Variants in CNTLN observed in about 807,000 individuals in gnomAD.
CNTLN encodes the protein centlein.
A neutral mutation model predicts 180.0 loss-of-function variants in CNTLN; 212 were observed. The ratio of observed to expected loss-of-function variants is 1.18; its 90% CI spans 1.05 to 1.32. The LOEUF (loss-of-function observed/expected upper bound fraction) is 1.32. Among genes scored for constraint, CNTLN ranks in the 40% most tolerant of loss-of-function variants. The pLI, the probability that CNTLN is intolerant of heterozygous loss-of-function variation, is 0.00. For missense variants in CNTLN, 2,095 were observed against 1,610.9 expected, an observed-to-expected ratio of 1.30 and a Z score of -5.14; for synonymous variants, 722 against 563.1, an observed-to-expected ratio of 1.28 and a Z score of -3.99.
chr9:17,521,363 A>G, the CNTLN span, among the ~76,000 whole-genome samples: 1 of 151,638 alleles, frequency 6.6e-6, no homozygotes, highest in Non-Finnish European at 1.5e-5. Flanking sequence ...AGGTGTAAGT[A>G]AGAAAAGAGA....
At chr9:17,365,475 G>A (rs1272966757) in intron 12 of CNTLN, among the ~76,000 whole-genome samples, 2 of 152,040 alleles carry the variant, frequency 1.3e-5, no homozygotes, top group Non-Finnish European at 2.9e-5. Flanking sequence ...TCCCTACTCA[G>A]GTCTCACATT....
intron 23 of CNTLN, among the ~76,000 whole-genome samples, chr9:17,482,450 A>T (rs1443545057): frequency 6.6e-6 from 1 of 152,148 alleles, no homozygotes; most frequent in Admixed American, 6.5e-5. Context: ...ACAGATAAAG[A>T]CCTAAACAAA....
At chr9:17,422,066 T>G (rs1828761660) in intron 18 of CNTLN, among the ~76,000 whole-genome samples, 1 of 152,182 alleles carries the variant, frequency 6.6e-6, no homozygotes, top group African/African-American at 2.4e-5. Flanking sequence ...GCATTTCTTG[T>G]AGGACAGATC....
At position 17,379,562 on chromosome 9, in the gene CNTLN, T is replaced by C. The variant is rs969488429; in HGVS notation, c.1988-8600T>C. Among the ~76,000 whole-genome samples the C allele has an allele frequency of 1.7e-4, 26 of 152,184 alleles. 1 individual carries two copies. Among genetic ancestry groups the C allele is most frequent in the South Asian group, 2.1e-4 (1 of 4,830 alleles). On this transcript the variant is annotated intron_variant, in intron 13 of 25. Coordinates refer to ENST00000380647, the MANE Select transcript of CNTLN (RefSeq NM_017738.4). Reference sequence around the variant, plus strand: ...GTAATTAAAGAACTCACCTCATTTGTTGCCCTCTCTCAGGGATGACATTGT... The same window carrying C: ...GTAATTAAAGAACTCACCTCATTTGCTGCCCTCTCTCAGGGATGACATTGT...
At chr9:17,287,589 T>C (rs201770041) in intron 6 of CNTLN, among the ~76,000 whole-genome samples, 1 of 149,394 alleles carries the variant, frequency 6.7e-6, no homozygotes, top group Admixed American at 6.7e-5. Flanking sequence ...ATGGTACCAG[T>C]TCCTCCTTGT....
intron 8 of CNTLN, among the ~76,000 whole-genome samples, chr9:17,321,412 T>C (rs1380778264): frequency 1.3e-5 from 2 of 152,218 alleles, no homozygotes; most frequent in Admixed American, 6.5e-5. Flanking sequence ...GGAGAGTTGA[T>C]GCCTTATCCT....
intron 10 of CNTLN, among the ~76,000 whole-genome samples, chr9:17,335,621 A>T (rs1356441168): frequency 6.6e-6 from 1 of 152,078 alleles, no homozygotes; most frequent in East Asian, 1.9e-4. Flanking sequence ...CTAATGTTTC[A>T]TTCATTCATA....
At chr9:17,252,682 G>C (rs1011222360) in intron 5 of CNTLN, among the ~76,000 whole-genome samples, 3 of 151,620 alleles carry the variant, frequency 2.0e-5, no homozygotes, top group Non-Finnish European at 4.4e-5. Flanking sequence ...CATTCAAAAG[G>C]TTTCTTGCTA....
chr9:17,383,545 A>T (rs937121402), intron 13 of CNTLN, among the ~76,000 whole-genome samples: 10 of 152,182 alleles, frequency 6.6e-5, no homozygotes, highest in African/African-American at 2.4e-4. Context: ...AATTAAAAAA[A>T]TTATTTTTAA....
At chr9:17,148,200 T>A (rs1818589734) in intron 2 of CNTLN, among the ~76,000 whole-genome samples, 1 of 152,202 alleles carries the variant, frequency 6.6e-6, no homozygotes, top group Admixed American at 6.5e-5. Context: ...CTACCACTAA[T>A]GGATTTTGAA....
intron 14 of CNTLN, among the ~76,000 whole-genome samples, chr9:17,390,637 C>T (rs1051098388): frequency 2.6e-5 from 4 of 152,082 alleles, no homozygotes; most frequent in African/African-American, 9.7e-5. Context: ...AGATTGAATA[C>T]TTTTAACAGT....
the CNTLN span, among the ~76,000 whole-genome samples, chr9:17,515,573 A>C: frequency 6.6e-6 from 1 of 152,258 alleles, no homozygotes; most frequent in South Asian, 2.1e-4. Context: ...CCAGTCAGTA[A>C]GTGGCAACCC....
chr9:17,444,829 G>C (rs1399883873), intron 18 of CNTLN, among the ~76,000 whole-genome samples: 2 of 152,140 alleles, frequency 1.3e-5, no homozygotes, highest in East Asian at 3.9e-4. Flanking sequence ...TGAAGGGAAG[G>C]CTGATGGTAG....
In CNTLN at chr9:17,137,099, TG is replaced by T. The variant is rs752534777; in HGVS notation, c.360+1675del. Among the ~76,000 whole-genome samples the T allele has an allele frequency of 8.7e-4, 133 of 152,286 alleles. No homozygotes were observed. The Middle Eastern group carries it at 0.01, about 12-fold the overall frequency. ...CACAAATACTTACATTCTTTAAAAA[TG>T]TGGCTCCAAACATGGTGTTGGCTTT... On this transcript the variant is annotated intron_variant, in intron 1 of 25. Coordinates refer to ENST00000380647, the MANE Select transcript of CNTLN (RefSeq NM_017738.4).
At position 17,309,251 on chromosome 9, in the gene CNTLN, A is replaced by T; in HGVS notation, c.1340A>T (p.Gln447Leu). The T allele has an allele frequency of 6.4e-7, 1 of 1,556,022 alleles. No homozygotes were observed. The highest frequency in any genetic ancestry group is 8.7e-7 in the Non-Finnish European group (1 of 1,153,184). ...PQESDPDYSA[Q>L]VPHRPSLSSL... Reference sequence around the variant, plus strand: ...GAAAGTGATCCAGACTACTCAGCACAGGTGAGAGACATTTTCTAAAACTGT... The same window carrying T: ...GAAAGTGATCCAGACTACTCAGCACTGGTGAGAGACATTTTCTAAAACTGT... The change falls in exon 8 of 26, where the codon CAG (glutamine) becomes CTG (leucine). Residue 447 changes from glutamine (Q) to leucine (L), a missense_variant and splice_region_variant. Coordinates refer to ENST00000380647, the MANE Select transcript of CNTLN (RefSeq NM_017738.4).
At chr9:17,324,638 G>A (rs745970051) in intron 8 of CNTLN, among the ~76,000 whole-genome samples, 8 of 152,106 alleles carry the variant, frequency 5.3e-5, no homozygotes, top group Non-Finnish European at 1.2e-4. Context: ...TTTACTGGAT[G>A]TATGTATATA....
chr9:17,427,656 C>T (rs1356543706), intron 18 of CNTLN, among the ~76,000 whole-genome samples: 3 of 152,090 alleles, frequency 2.0e-5, no homozygotes, highest in Non-Finnish European at 4.4e-5. Flanking sequence ...ATTTTCTTTA[C>T]TTCATGATTC....
chr9:17,215,029 G>T (rs1823634486), intron 2 of CNTLN, among the ~76,000 whole-genome samples: 1 of 151,928 alleles, frequency 6.6e-6, no homozygotes, highest in African/African-American at 2.4e-5. Context: ...AAGTTTGATT[G>T]TCTGAAGCCT....
the CNTLN span, among the ~76,000 whole-genome samples, chr9:17,512,751 G>T: frequency 2.2e-4 from 34 of 152,286 alleles, no homozygotes; most frequent in Admixed American, 2.0e-3. Flanking sequence ...GATTAGTTAC[G>T]TCTGGAGAGA....
Sources: gnomAD v4.1 joint callset for allele counts (sites outside exome capture counted in the v4.1 genomes callset) on GRCh38, gnomAD v4.1.1 for gene constraint, MANE v1.5 for transcripts, NCBI Gene and HGNC (gene_info 2026-07-23, HGNC 2026-07-21) for gene names.